The following SRP19 variants were observed in gnomAD, a reference collection of about 807,000 sequenced individuals.
The protein encoded by SRP19 is signal recognition particle 19 kDa protein.
SRP19 carries 11 observed loss-of-function variants against 22.4 expected under a neutral mutation model. The ratio of observed to expected loss-of-function variants is 0.49; its 90% CI spans 0.31 to 0.81. SRP19 has a LOEUF of 0.81. Ranked by LOEUF, SRP19 falls within the 40% of genes least tolerant of loss-of-function variation. SRP19 has a pLI of 0.05. For missense variants in SRP19, 168 were observed against 175.9 expected (o/e 0.96, Z 0.25); for synonymous variants, 61 against 57.6 (o/e 1.06, Z -0.27).
At chr5:112,873,287 T>TC (rs1317944557), downstream of SRP19, among the ~76,000 whole-genome samples, 2 of 146,208 alleles carry the variant, frequency 1.4e-5, no homozygotes, top group African/African-American at 2.5e-5. Flanking sequence ...TTTTTTTTTT[T>TC]TTTTCTTTTT....
Position 112,878,729 on chromosome 5 carries a change from A to T in SRP19, c.302-12874A>T, listed in dbSNP as rs138911572. Reference sequence around the variant, plus strand: ...TAATTATACCACAGTCCCTAATATAACATCAAGCTCCAGTAGGAAGGTACA... The same window carrying T: ...TAATTATACCACAGTCCCTAATATATCATCAAGCTCCAGTAGGAAGGTACA... On this transcript the variant is annotated intron_variant, in intron 4 of 4. Transcript: ENST00000391338. 87 of 1,602,562 alleles carry T rather than the reference A, an allele frequency of 5.4e-5. No individual in the cohort carries two copies. The African/African-American group carries it at 9.7e-4, about 18-fold the overall frequency.
At chr5:112,861,821 G>T (rs1243683322) in intron 1 of SRP19, among the ~76,000 whole-genome samples, 1 of 152,190 alleles carries the variant, frequency 6.6e-6, no homozygotes, top group African/African-American at 2.4e-5. Flanking sequence ...CCCATTCTCA[G>T]GAACTTTTGA....
downstream of SRP19, among the ~76,000 whole-genome samples, chr5:112,872,265 A>G (rs947761885): frequency 6.6e-6 from 1 of 151,516 alleles, no homozygotes; most frequent in African/African-American, 2.4e-5. Context: ...TGAAAAATGC[A>G]GTATCTCTGG....
At position 112,861,362 on chromosome 5, in the gene SRP19, G is replaced by A. The variant is rs1406796628; in HGVS notation, c.-15G>A. The A allele has an allele frequency of 1.2e-6, 2 of 1,614,210 alleles. No homozygotes were observed. Among genetic ancestry groups the A allele is most frequent in the Non-Finnish European group, 1.7e-6 (2 of 1,180,036 alleles). On this transcript the variant is annotated 5_prime_UTR_variant, in exon 1 of 5. Transcript: ENST00000505459. ...TTCTCCCTGCGGCTCCTGGGTTGTT[G>A]AGACTCTTGTGAAGATGGCTTGCGC...
At chr5:112,893,172 G>A (rs1768553603), downstream of SRP19, 1 of 579,510 alleles carries the variant, frequency 1.7e-6, no homozygotes, top group South Asian at 2.2e-5. Flanking sequence ...CACTTTAGGA[G>A]GCTGAGGTGG....
intron 2 of SRP19, among the ~76,000 whole-genome samples, chr5:112,864,037 GT>G (rs1767501905): frequency 6.6e-6 from 1 of 152,028 alleles, no homozygotes; most frequent in South Asian, 2.1e-4. Context: ...TTGCTTTTTT[GT>G]AGAACGCATC....
At chr5:112,894,638 A>T (rs1309021332), downstream of SRP19, 5 of 152,330 alleles carry the variant, frequency 3.3e-5, no homozygotes, top group East Asian at 7.7e-4. Flanking sequence ...AGCAATTGTT[A>T]CTTACTATAT....
rs1767652902 is a variant in SRP19, at chr5:112,867,689, G to T, written c.*152G>T. ...CTCATCTTTATCATCGGAGTTGACA[G>T]TGAAACAAATTTACATCAGAAGTTT... On this transcript the variant is annotated 3_prime_UTR_variant, in exon 5 of 5. Transcript: ENST00000505459. The T allele has an allele frequency of 2.2e-6, 3 of 1,354,684 alleles. No individual in the cohort carries two copies. The highest frequency in any genetic ancestry group is 2.9e-6 in the Non-Finnish European group (3 of 1,049,812). 83.9% of individuals were successfully genotyped at this position (1,354,684 alleles called of 1,614,324 possible). A position where few individuals can be genotyped will look rare whatever the true frequency, so the allele number is the denominator to read the frequency against.
At chr5:112,879,619 A>G (rs1434025476) in intron 4 of SRP19, among the ~76,000 whole-genome samples, 1 of 151,428 alleles carries the variant, frequency 6.6e-6, no homozygotes, top group East Asian at 1.9e-4. Flanking sequence ...GACTACATGC[A>G]CTCACCACCA....
chr5:112,862,085 T>C (rs926244866), intron 1 of SRP19, among the ~76,000 whole-genome samples: 5 of 152,192 alleles, frequency 3.3e-5, no homozygotes, highest in African/African-American at 4.8e-5. Context: ...GCGTTTTGAA[T>C]AAGGAATTGA....
chr5:112,889,755 A>AG (rs1179864988), intron 4 of SRP19, among the ~76,000 whole-genome samples: 1 of 150,200 alleles, frequency 6.7e-6, no homozygotes, highest in Non-Finnish European at 1.5e-5. Flanking sequence ...CTGAGGTTGG[A>AG]GGATCACATG....
At position 112,867,602 on chromosome 5, in the gene SRP19, A is replaced by G. The variant is rs1767649416; in HGVS notation, c.*65A>G. On this transcript the variant is annotated 3_prime_UTR_variant, in exon 5 of 5. Transcript: ENST00000505459. ...ACATGAATGGAGACTTCTAATTTGT[A>G]TCGGAGGGAAACAGAAGCTTTTTGT... The G allele has an allele frequency of 1.4e-6, 2 of 1,454,530 alleles. No individual in the cohort carries two copies. The highest frequency in any genetic ancestry group is 9.1e-7 in the Non-Finnish European group (1 of 1,099,234). The allele number at this position is 1,454,530 out of a possible 1,614,324, so 90.1% of individuals were successfully genotyped here.
intron 4 of SRP19, among the ~76,000 whole-genome samples, chr5:112,887,454 C>T (rs1351858506): frequency 6.6e-6 from 1 of 152,090 alleles, no homozygotes; most frequent in Non-Finnish European, 1.5e-5. Context: ...ACTTGGACCA[C>T]GTTTTAGTAT....
At chr5:112,866,909 T>C (rs1767623989) in intron 4 of SRP19, among the ~76,000 whole-genome samples, 1 of 152,162 alleles carries the variant, frequency 6.6e-6, no homozygotes, top group African/African-American at 2.4e-5. Flanking sequence ...ACTTGGTCTG[T>C]TGGGGGTGAA....
downstream of SRP19, among the ~76,000 whole-genome samples, chr5:112,873,724 A>ATT (rs1767809977): frequency 6.6e-6 from 1 of 152,010 alleles, no homozygotes; most frequent in South Asian, 2.1e-4. Context: ...CATGGATGTA[A>ATT]TTTATTTCTC....
intron 4 of SRP19, 74 bp downstream of exon 4, chr5:112,864,806 C>T (rs1004462036): frequency 1.7e-6 from 2 of 1,191,672 alleles, no homozygotes; most frequent in African/African-American, 3.1e-5. Context: ...GGTTCTAAAA[C>T]TGAAAGGTAA....
intron 1 of SRP19, 117 bp downstream of exon 1, chr5:112,861,534 T>C (rs2150023951): frequency 9.0e-7 from 1 of 1,113,800 alleles, no homozygotes; most frequent in Non-Finnish European, 1.3e-6. Context: ...TCCAACTCGC[T>C]CTGTACGGGC....
downstream of SRP19, chr5:112,897,898 A>C (rs1768739665): frequency 6.6e-6 from 1 of 152,162 alleles, no homozygotes; most frequent in Non-Finnish European, 1.5e-5. Flanking sequence ...ATCTCTACTA[A>C]AAATACAAAA....
rs919648752 is a variant in SRP19, at chr5:112,890,175, G to C, written c.302-1428G>C. On this transcript the variant is annotated intron_variant, in intron 4 of 4. Transcript: ENST00000391338. ...CCAGGCTTGGTGATGTATGCCTGTGGTCCTCCTGGGAGGTTGAGGTGGGAG... is the reference window on the plus strand; with the variant it reads ...CCAGGCTTGGTGATGTATGCCTGTGCTCCTCCTGGGAGGTTGAGGTGGGAG... 4.8e-4 allele frequency among the ~76,000 whole-genome samples: 72 copies of C among 150,362 alleles called. 4 individuals carry two copies. Among genetic ancestry groups the C allele is most frequent in the African/African-American group, 1.7e-3 (70 of 40,336 alleles).
Sources: allele counts gnomAD v4.1 joint callset (sites outside exome capture counted in the v4.1 genomes callset), GRCh38; gene constraint gnomAD v4.1.1; transcripts MANE v1.5; gene names NCBI Gene and HGNC (gene_info 2026-07-23, HGNC 2026-07-21).